RORB: variants seen among roughly 807,000 people sequenced by gnomAD.
RORB encodes the protein nuclear receptor ROR-beta.
A neutral mutation model predicts 59.1 loss-of-function variants in RORB; 6 were observed. The ratio of observed to expected loss-of-function variants is 0.10; its 90% CI spans 0.06 to 0.20. The LOEUF is 0.20. Ranked by LOEUF, RORB falls within the 10% of genes least tolerant of loss-of-function variation. The pLI is 1.00. For missense variants in RORB, 320 were observed against 560.5 expected, an observed-to-expected ratio of 0.57 and a Z score of 4.33; for synonymous variants, 215 against 204.5, an observed-to-expected ratio of 1.05 and a Z score of -0.44.
intron 1 of RORB, among the ~76,000 whole-genome samples, chr9:74,532,806 A>C (rs1010557703): frequency 4.1e-5 from 6 of 146,692 alleles, no homozygotes; most frequent in African/African-American, 1.5e-4. Flanking sequence ...ATAGATACGT[A>C]TATATATACA....
At chr9:74,508,691 T>C (rs1825898367) in intron 1 of RORB, among the ~76,000 whole-genome samples, 1 of 152,054 alleles carries the variant, frequency 6.6e-6, no homozygotes, top group Non-Finnish European at 1.5e-5. Flanking sequence ...ACAGCAAAAC[T>C]ACATTTCTTA....
intron 4 of RORB, among the ~76,000 whole-genome samples, chr9:74,654,513 C>A (rs139514242): frequency 0.014 from 2,174 of 152,208 alleles, 32 homozygotes; most frequent in South Asian, 0.051. Flanking sequence ...CTAGTTTTCC[C>A]TTCAAAAATT....
intron 1 of RORB, among the ~76,000 whole-genome samples, chr9:74,587,675 A>G (rs1372622124): frequency 6.6e-6 from 1 of 152,176 alleles, no homozygotes; most frequent in South Asian, 2.1e-4. Flanking sequence ...AGGGGGCCTC[A>G]GCTGGCATGA....
chr9:74,571,015 A>G (rs1822542750), intron 1 of RORB, among the ~76,000 whole-genome samples: 1 of 151,450 alleles, frequency 6.6e-6, no homozygotes, highest in Non-Finnish European at 1.5e-5. Flanking sequence ...AGTTTTATAG[A>G]TAGAAAATTC....
chr9:74,624,755 A>G (rs938332189), intron 1 of RORB, among the ~76,000 whole-genome samples: 2 of 152,236 alleles, frequency 1.3e-5, no homozygotes, highest in Admixed American at 1.3e-4. Flanking sequence ...TAGATGAGAT[A>G]CAATTTGGGT....
At chr9:74,647,577 T>G (rs1351278493) in intron 4 of RORB, among the ~76,000 whole-genome samples, 1 of 152,222 alleles carries the variant, frequency 6.6e-6, no homozygotes, top group African/African-American at 2.4e-5. Context: ...CCTTCTTATA[T>G]TGTCTTTAAC....
intron 1 of RORB, among the ~76,000 whole-genome samples, chr9:74,622,565 C>T (rs1396990869): frequency 2.7e-5 from 3 of 112,116 alleles, no homozygotes; most frequent in Admixed American, 1.3e-4. Context: ...CTCGGTCTGT[C>T]GCCCAGGCCG....
At chr9:74,660,213 C>T (rs1824157772) in intron 4 of RORB, among the ~76,000 whole-genome samples, 1 of 152,056 alleles carries the variant, frequency 6.6e-6, no homozygotes, top group Admixed American at 6.6e-5. Context: ...TTAATGCCCC[C>T]TTTCTGAGAT....
intron 1 of RORB, among the ~76,000 whole-genome samples, chr9:74,513,168 C>A (rs1825963243): frequency 6.6e-6 from 1 of 151,964 alleles, no homozygotes; most frequent in African/African-American, 2.4e-5. Context: ...TTCCACTTTC[C>A]TCTGCATATT....
chr9:74,613,567 C>T (rs1027173378), intron 1 of RORB, among the ~76,000 whole-genome samples: 5 of 152,116 alleles, frequency 3.3e-5, no homozygotes, highest in African/African-American at 1.2e-4. Flanking sequence ...CTTGGCCCCC[C>T]ACCAAACAAA....
chr9:74,547,854 T>C (rs1182668746), intron 1 of RORB, among the ~76,000 whole-genome samples: 5 of 152,120 alleles, frequency 3.3e-5, no homozygotes, highest in African/African-American at 1.2e-4. Flanking sequence ...GAGAGTGATA[T>C]TATCTGACAT....
chr9:74,590,373 A>G (rs1657686640), intron 1 of RORB, among the ~76,000 whole-genome samples: 1 of 152,172 alleles, frequency 6.6e-6, no homozygotes, highest in African/African-American at 2.4e-5. Flanking sequence ...GAAATACTTT[A>G]TTACTTATAT....
At chr9:74,628,108 C>T (rs1823552266) in intron 1 of RORB, among the ~76,000 whole-genome samples, 2 of 152,236 alleles carry the variant, frequency 1.3e-5, no homozygotes, top group Non-Finnish European at 2.9e-5. Context: ...TTGGCCGTGG[C>T]TCCAATCATT....
intron 1 of RORB, among the ~76,000 whole-genome samples, chr9:74,534,654 A>G (rs779974139): frequency 2.4e-4 from 36 of 151,922 alleles, no homozygotes; most frequent in Admixed American, 7.9e-4. Flanking sequence ...CCTAGATGCT[A>G]ACTTGAACCC....
At chr9:74,669,589 A>G (rs1279260006) in intron 8 of RORB, among the ~76,000 whole-genome samples, 1 of 152,016 alleles carries the variant, frequency 6.6e-6, no homozygotes, top group Non-Finnish European at 1.5e-5. Flanking sequence ...CTCTAACCAG[A>G]ATGAGAATTC....
Position 74,497,983 on chromosome 9 carries a change from G to A in RORB, c.7G>A (p.Ala3Thr), listed in dbSNP as rs775634387. Residue 3 changes from alanine (A) to threonine (T), a missense_variant and splice_region_variant, in exon 1 of 10, where the codon GCA (alanine) becomes ACA (threonine). Ala to Thr is a moderately conservative substitution (Grantham distance 58, BLOSUM62 0). Around this residue, in one of 4 missense-constraint regions of RORB, gnomAD observed 37 missense variants for 116.4 expected, o/e 0.32. Coordinates refer to ENST00000376896, the MANE Select transcript of RORB (RefSeq NM_006914.4). ...GCGGGAGAGCGGCCACACCATGCGAGGTAAGCGAGTCTGCGGGCACCGAGG... is the reference window on the plus strand; with the variant it reads ...GCGGGAGAGCGGCCACACCATGCGAAGTAAGCGAGTCTGCGGGCACCGAGG... MR[A>T]QIEVIPCKIC... The A allele has an allele frequency of 6.2e-7, 1 of 1,611,466 alleles. No individual in the cohort carries two copies. Among genetic ancestry groups the A allele is most frequent in the Non-Finnish European group, 8.5e-7 (1 of 1,179,584 alleles).
chr9:74,602,173 C>A (rs73650013), intron 1 of RORB, among the ~76,000 whole-genome samples: 4,305 of 152,230 alleles, frequency 0.028, 199 homozygotes, highest in African/African-American at 0.098. Flanking sequence ...ACTGTCTCCC[C>A]AAGCCAAATA....
chr9:74,584,168 A>G (rs1041610957), intron 1 of RORB, among the ~76,000 whole-genome samples: 1 of 152,222 alleles, frequency 6.6e-6, no homozygotes, highest in African/African-American at 2.4e-5. Flanking sequence ...GCAGCAAGTC[A>G]TGCAGAATTT....
chr9:74,686,011 CT>C lies in RORB; in HGVS notation c.*395del, dbSNP rs1470205443. On this transcript the variant is annotated 3_prime_UTR_variant, in exon 10 of 10. Transcript: ENST00000376896. ...ATTTAAGAAAATTCCACTTAATAGG[CT>C]TACCTATTTCTATGTTTTTAGGTAG... 6.5e-6 allele frequency: 1 copy of C among 154,526 alleles called. No homozygotes were observed. The highest frequency in any genetic ancestry group is 2.4e-5 in the African/African-American group (1 of 41,492). The allele number at this position is 154,526 out of a possible 1,614,324, so 9.6% of individuals were successfully genotyped here.
Sources: allele counts gnomAD v4.1 joint callset (sites outside exome capture counted in the v4.1 genomes callset), GRCh38; gene constraint gnomAD v4.1.1; regional missense constraint gnomAD v4.1.1; transcripts MANE v1.5; gene names NCBI Gene and HGNC (gene_info 2026-07-23, HGNC 2026-07-21).